CTNNA3: variants seen among roughly 807,000 people sequenced by gnomAD.
CTNNA3 encodes the protein catenin alpha-3.
A neutral mutation model predicts 95.7 loss-of-function variants in CTNNA3; 76 were observed. The ratio of observed to expected loss-of-function variants is 0.79; its 90% confidence interval spans 0.66 to 0.96. CTNNA3 has a LOEUF of 0.96. Ranked by LOEUF, CTNNA3 falls within the 40% of genes least tolerant of loss-of-function variation. CTNNA3 has a pLI of 0.00. For synonymous variants in CTNNA3, 431 were observed against 374.4 expected (o/e 1.15, Z -1.74); for missense variants, 1,191 against 1,089.8 (o/e 1.09, Z -1.31).
intron 7 of CTNNA3, among the ~76,000 whole-genome samples, chr10:66,895,448 G>A (rs950707207): frequency 1.3e-5 from 2 of 152,038 alleles, no homozygotes; most frequent in African/African-American, 2.4e-5. Flanking sequence ...TTCATTAAGC[G>A]GGAAAATGTT....
At chr10:66,285,061 A>G (rs982778237) in intron 12 of CTNNA3, among the ~76,000 whole-genome samples, 16 of 151,864 alleles carry the variant, frequency 1.1e-4, no homozygotes, top group Non-Finnish European at 1.9e-4. Flanking sequence ...AATGACTAGT[A>G]AGGATTTCAC....
intron 7 of CTNNA3, among the ~76,000 whole-genome samples, chr10:66,857,179 T>G (rs930267428): frequency 6.6e-6 from 1 of 152,104 alleles, no homozygotes; most frequent in African/African-American, 2.4e-5. Context: ...CATTGCTTGT[T>G]TTTGTTCATT....
intron 5 of CTNNA3, among the ~76,000 whole-genome samples, chr10:67,516,775 C>G (rs1478689823): frequency 6.6e-6 from 1 of 152,164 alleles, no homozygotes; most frequent in Non-Finnish European, 1.5e-5. Flanking sequence ...ACCCACCAAT[C>G]CCTGGAAAGC....
intron 12 of CTNNA3, among the ~76,000 whole-genome samples, chr10:66,343,379 G>A (rs2092472692): frequency 1.3e-5 from 2 of 152,028 alleles, no homozygotes; most frequent in Non-Finnish European, 2.9e-5. Flanking sequence ...ATACACAATG[G>A]AATACTATTT....
intron 15 of CTNNA3, among the ~76,000 whole-genome samples, chr10:66,021,668 T>C (rs538226647): frequency 6.6e-6 from 1 of 152,102 alleles, no homozygotes; most frequent in African/African-American, 2.4e-5. Flanking sequence ...ACAACAAATA[T>C]TCATAGAGCT....
chr10:66,914,833 T>C (rs1589418656), intron 7 of CTNNA3, among the ~76,000 whole-genome samples: 1 of 152,360 alleles, frequency 6.6e-6, no homozygotes, highest in East Asian at 1.9e-4. Context: ...CATGAATGTT[T>C]CTTTATTTAC....
intron 7 of CTNNA3, among the ~76,000 whole-genome samples, chr10:67,129,451 A>G (rs1373557759): frequency 3.3e-5 from 5 of 152,194 alleles, no homozygotes; most frequent in Non-Finnish European, 7.3e-5. Context: ...ACTATAGCTT[A>G]TTAACCACAA....
At chr10:66,928,288 A>G (rs772869710) in intron 7 of CTNNA3, 5 of 1,614,176 alleles carry the variant, frequency 3.1e-6, no homozygotes, top group East Asian at 2.2e-5. Context: ...GCGCTCCCTC[A>G]TGCGAAGGCA....
At chr10:66,862,411 G>T (rs1303399632) in intron 7 of CTNNA3, among the ~76,000 whole-genome samples, 1 of 151,998 alleles carries the variant, frequency 6.6e-6, no homozygotes, top group African/African-American at 2.4e-5. Context: ...AAAAATATGA[G>T]GTATGAATAA....
intron 7 of CTNNA3, among the ~76,000 whole-genome samples, chr10:66,897,609 A>T (rs1371824615): frequency 6.6e-6 from 1 of 152,158 alleles, no homozygotes; most frequent in Admixed American, 6.5e-5. Context: ...TGAAAAATGC[A>T]AGGAAATCTT....
At chr10:66,177,703 ACTGGGTAC>A (rs1424394931) in intron 13 of CTNNA3, among the ~76,000 whole-genome samples, 13 of 152,140 alleles carry the variant, frequency 8.5e-5, no homozygotes, top group African/African-American at 2.6e-4. Context: ...AATTATTTCT[ACTGGGTAC>A]CTATATACAT....
chr10:66,224,427 G>C (rs775547880), intron 13 of CTNNA3, among the ~76,000 whole-genome samples: 51 of 152,108 alleles, frequency 3.4e-4, no homozygotes, highest in Middle Eastern at 3.2e-3. Context: ...TCTCCAGAAG[G>C]CTTGGTATTT....
intron 5 of CTNNA3, among the ~76,000 whole-genome samples, chr10:67,234,479 C>T (rs559256141): frequency 5.9e-5 from 9 of 152,204 alleles, no homozygotes; most frequent in African/African-American, 9.6e-5. Flanking sequence ...ATGCTAAAAA[C>T]TCTCAATAAA....
rs143793110 is a variant in CTNNA3, at chr10:67,212,297, A to T, written c.843+7310T>A. 8.9e-3 allele frequency among the ~76,000 whole-genome samples: 1,351 copies of T among 151,382 alleles called. 78 individuals carry two copies. Among genetic ancestry groups the T allele is most frequent in the Admixed American group, 0.082 (1,237 of 15,172 alleles). On this transcript the variant is annotated intron_variant, in intron 6 of 17. Transcript: ENST00000433211. ...GCAACCTCTTTCTCCCCACTCCTCCACTCCTCAATATTGCATAAATCATTC... is the reference window on the plus strand; with the variant it reads ...GCAACCTCTTTCTCCCCACTCCTCCTCTCCTCAATATTGCATAAATCATTC...
rs1156832411 is a variant in CTNNA3 at position 67,192,067 on chromosome 10, A to G, written c.844-11547T>C. 2.0e-5 allele frequency among the ~76,000 whole-genome samples: 3 copies of G among 151,930 alleles called. No individual in the cohort carries two copies. The East Asian group carries it at 5.8e-4, about 29-fold the overall frequency. On this transcript the variant is annotated intron_variant, in intron 6 of 17. Coordinates refer to ENST00000433211, the MANE Select transcript of CTNNA3 (RefSeq NM_013266.4). The stretch of plus-strand genomic sequence containing the variant: ...ATAAAATTCGACCCTTATCTACACC[A>G]CTCACAAAAATTAACTTGAAATGGA...
At chr10:67,025,479 C>G (rs1853314707) in intron 7 of CTNNA3, among the ~76,000 whole-genome samples, 1 of 152,124 alleles carries the variant, frequency 6.6e-6, no homozygotes, top group South Asian at 2.1e-4. Flanking sequence ...TTACCAATCA[C>G]TCAGAAATTC....
intron 13 of CTNNA3, among the ~76,000 whole-genome samples, chr10:66,203,839 C>A (rs2087588684): frequency 6.6e-6 from 1 of 152,068 alleles, no homozygotes; most frequent in African/African-American, 2.4e-5. Context: ...ACTCTATCTT[C>A]TCTGTAGAGA....
chr10:67,467,994 A>G (rs1345558806), intron 5 of CTNNA3, among the ~76,000 whole-genome samples: 1 of 150,712 alleles, frequency 6.6e-6, no homozygotes, highest in Non-Finnish European at 1.5e-5. Flanking sequence ...TATAGGCATG[A>G]GCCACTGTGC....
chr10:66,529,521 T>A (rs560080430), intron 10 of CTNNA3, among the ~76,000 whole-genome samples: 1 of 152,106 alleles, frequency 6.6e-6, no homozygotes, highest in Admixed American at 6.6e-5. Context: ...TGCAATATTT[T>A]TATTCTTTAC....
Sources: allele counts gnomAD v4.1 joint callset (sites outside exome capture counted in the v4.1 genomes callset), GRCh38; gene constraint gnomAD v4.1.1; transcripts MANE v1.5; gene names NCBI Gene and HGNC (gene_info 2026-07-23, HGNC 2026-07-21).